Variants in ST3GAL1 observed in about 807,000 individuals in gnomAD.
ST3GAL1 encodes the protein CMP-N-acetylneuraminate-beta-galactosamide-alpha-2,3-sialyltransferase 1.
Under a neutral mutation model 34.1 loss-of-function variants are expected in ST3GAL1, and 16 were observed. The ratio of observed to expected loss-of-function variants is 0.47; its 90% confidence interval spans 0.32 to 0.71. ST3GAL1 has a LOEUF of 0.71. Among genes scored for constraint, ST3GAL1 ranks in the 30% least tolerant of loss-of-function variants. The pLI is 0.04. For missense variants in ST3GAL1, 353 were observed against 447.4 expected (o/e 0.79, Z 1.90); for synonymous variants, 191 against 184.7 (o/e 1.03, Z -0.28).
At chr8:133,493,649 G>A (rs6985881) in intron 3 of ST3GAL1, among the ~76,000 whole-genome samples, 32,619 of 152,050 alleles carry the variant, frequency 0.21, 3,977 homozygotes, top group East Asian at 0.5. Context: ...GTTTGAGACC[G>A]GCCTGGCCAA....
intron 5 of ST3GAL1, among the ~76,000 whole-genome samples, chr8:133,471,108 T>G (rs1815938403): frequency 6.6e-6 from 1 of 152,070 alleles, no homozygotes; most frequent in African/African-American, 2.4e-5. Flanking sequence ...CTTCCACACA[T>G]GGGTGGCACC....
At chr8:133,557,904 CAAA>C (rs543479046) in intron 1 of ST3GAL1, among the ~76,000 whole-genome samples, 2 of 65,372 alleles carry the variant, frequency 3.1e-5, no homozygotes, top group Non-Finnish European at 3.7e-5. Flanking sequence ...GACTCCGTCT[CAAA>C]AAAAAAAAAA....
At chr8:133,531,782 G>T (rs1035980707) in intron 2 of ST3GAL1, among the ~76,000 whole-genome samples, 1 of 124,370 alleles carries the variant, frequency 8.0e-6, no homozygotes, top group Non-Finnish European at 1.6e-5. Flanking sequence ...ACACCCACAC[G>T]TTCTGCACTT....
At position 133,476,326 on chromosome 8, in the gene ST3GAL1, GATA is replaced by G. The variant is rs1160536935; in HGVS notation, c.-102_-100del. The G allele has an allele frequency of 1.1e-5, 3 of 272,976 alleles. No homozygotes were observed. The highest frequency in any genetic ancestry group is 2.1e-5 in the Non-Finnish European group (3 of 144,082). The allele number at this position is 272,976 out of a possible 1,614,324, so 16.9% of individuals were successfully genotyped here. A position where few individuals can be genotyped will look rare whatever the true frequency, so the allele number is the denominator to read the frequency against. ...ATTCTTCTGCAATCCTTAAAGAGCT[GATA>G]ATGTCTCTCGATCAAGCTTTAACCA... On this transcript the variant is annotated 5_prime_UTR_variant, in exon 4 of 10. Transcript: ENST00000522652.
chr8:133,509,139 G>T (rs903839992), intron 2 of ST3GAL1, among the ~76,000 whole-genome samples: 2 of 152,160 alleles, frequency 1.3e-5, no homozygotes, highest in African/African-American at 4.8e-5. Flanking sequence ...ACTAATTAGT[G>T]TTCCTAACTA....
At position 133,509,034 on chromosome 8, in the gene ST3GAL1, A is replaced by T. The variant is rs551614867; in HGVS notation, c.-428-9845T>A. Among the ~76,000 whole-genome samples the T allele has an allele frequency of 1.1e-4, 17 of 152,324 alleles. 1 individual carries two copies. The South Asian group carries it at 2.5e-3, about 22-fold the overall frequency. Reference sequence around the variant, plus strand: ...AATAGGGAGACATCTCAGGCTTGTCACAGTTCTTTACAGTTACTAGCCTCA... The same window carrying T: ...AATAGGGAGACATCTCAGGCTTGTCTCAGTTCTTTACAGTTACTAGCCTCA... On this transcript the variant is annotated intron_variant, in intron 2 of 9. Transcript: ENST00000522652.
chr8:133,519,837 C>G (rs1318254414), intron 2 of ST3GAL1, among the ~76,000 whole-genome samples: 2 of 152,104 alleles, frequency 1.3e-5, no homozygotes, highest in Non-Finnish European at 2.9e-5. Context: ...GTAATCCTAG[C>G]TACTTGGGAG....
At chr8:133,554,431 T>A (rs1327177224) in intron 1 of ST3GAL1, among the ~76,000 whole-genome samples, 2 of 152,116 alleles carry the variant, frequency 1.3e-5, no homozygotes, top group South Asian at 2.1e-4. Context: ...GACAGTGGGA[T>A]GTAGGGGTGT....
chr8:133,534,198 G>A (rs891793835), intron 2 of ST3GAL1, among the ~76,000 whole-genome samples: 5 of 152,152 alleles, frequency 3.3e-5, no homozygotes, highest in Middle Eastern at 3.4e-3. Context: ...CCTTCCCTTC[G>A]TCCTCTTCTT....
At chr8:133,499,676 C>T (rs1245217519) in intron 2 of ST3GAL1, among the ~76,000 whole-genome samples, 1 of 152,122 alleles carries the variant, frequency 6.6e-6, no homozygotes, top group African/African-American at 2.4e-5. Context: ...TGGGTTAAGG[C>T]CTTTCACATA....
chr8:133,537,673 C>T (rs1488347350), intron 2 of ST3GAL1, among the ~76,000 whole-genome samples: 2 of 152,206 alleles, frequency 1.3e-5, no homozygotes, highest in Non-Finnish European at 2.9e-5. Flanking sequence ...ACAGCTTGCA[C>T]ATCCCTGCAG....
chr8:133,534,083 T>A (rs2978020), intron 2 of ST3GAL1, among the ~76,000 whole-genome samples: 92,448 of 151,878 alleles, frequency 0.61, 28,908 homozygotes, highest in Middle Eastern at 0.76. Flanking sequence ...CCCAAGGAGG[T>A]TCCAGTTAGA....
At chr8:133,509,699 G>C (rs1387367124) in intron 2 of ST3GAL1, among the ~76,000 whole-genome samples, 2 of 152,212 alleles carry the variant, frequency 1.3e-5, no homozygotes, top group Non-Finnish European at 1.5e-5. Context: ...TACAGGACGA[G>C]GTCAGTGAGG....
rs1036794776 is a variant in ST3GAL1, at chr8:133,494,972, G to A, written c.-374+4163C>T. Among the ~76,000 whole-genome samples the A allele has an allele frequency of 2.8e-5, 4 of 141,950 alleles. No homozygotes were observed. In the Admixed American group the frequency reaches 3.0e-4, roughly 11 times the overall value. The allele number at this position is 141,950 out of a possible 152,430, so 93.1% of individuals were successfully genotyped here. On this transcript the variant is annotated intron_variant, in intron 3 of 9. Transcript: ENST00000522652. ...CTCGCTCTGTCACCCAGGCTGGAGT[G>A]CAGTGGCACGACCTTGGCTCACTGC...
At chr8:133,557,810 CAGG>C (rs1483827523) in intron 1 of ST3GAL1, among the ~76,000 whole-genome samples, 1 of 149,846 alleles carries the variant, frequency 6.7e-6, no homozygotes, top group South Asian at 2.1e-4. Flanking sequence ...GAGGCTGAGG[CAGG>C]AGAATTGCTT....
Position 133,461,835 on chromosome 8 carries a change from G to A in ST3GAL1, c.849+40C>T. ...CTCTCTTGGGAACACAGGACGGTGAGCTTCGAGGCAGCCCTGTGGGCAGGG... is the reference window on the plus strand; with the variant it reads ...CTCTCTTGGGAACACAGGACGGTGAACTTCGAGGCAGCCCTGTGGGCAGGG... On this transcript the variant is annotated intron_variant, in intron 9 of 9. Coordinates refer to ENST00000522652, the MANE Select transcript of ST3GAL1 (RefSeq NM_173344.3). The surrounding 1 kb of genome is among the most constrained non-coding windows in gnomAD (Gnocchi z 4.7). The A allele has an allele frequency of 6.2e-7, 1 of 1,612,544 alleles. No individual in the cohort carries two copies. Among genetic ancestry groups the A allele is most frequent in the Non-Finnish European group, 8.5e-7 (1 of 1,179,114 alleles).
intron 5 of ST3GAL1, among the ~76,000 whole-genome samples, chr8:133,470,139 G>A (rs917367596): frequency 6.6e-6 from 1 of 152,200 alleles, no homozygotes; most frequent in South Asian, 2.1e-4. Flanking sequence ...AACAGTGCTG[G>A]CCAGGTGCGG....
chr8:133,490,611 G>A (rs572152630), intron 3 of ST3GAL1, among the ~76,000 whole-genome samples: 249 of 152,340 alleles, frequency 1.6e-3, no homozygotes, highest in African/African-American at 5.4e-3. Context: ...CAGAGGGGGA[G>A]GGTAAACCAG....
chr8:133,547,125 G>A (rs547178247), intron 1 of ST3GAL1, among the ~76,000 whole-genome samples: 68 of 152,296 alleles, frequency 4.5e-4, no homozygotes, highest in African/African-American at 1.4e-3. Flanking sequence ...ACTCTGCAGT[G>A]TGGCTTTGCC....
Sources: allele counts gnomAD v4.1 joint callset (sites outside exome capture counted in the v4.1 genomes callset), GRCh38; gene constraint gnomAD v4.1.1; non-coding constraint Gnocchi (gnomAD v3.1); transcripts MANE v1.5; gene names NCBI Gene and HGNC (gene_info 2026-07-23, HGNC 2026-07-21).